The following RDH8 variants were observed in gnomAD, a reference collection of about 807,000 sequenced individuals.
RDH8 encodes retinol dehydrogenase 8.
In RDH8, 14 loss-of-function variants were observed where a neutral mutation model predicts 22.3. The ratio of observed to expected loss-of-function variants is 0.63; its 90% confidence interval spans 0.42 to 0.98. The LOEUF is 0.98. Ranked by LOEUF, RDH8 falls within the 50% of genes least tolerant of loss-of-function variation. RDH8 has a pLI of 0.00. For missense variants in RDH8, 389 were observed against 409.8 expected (o/e 0.95, Z 0.44); for synonymous variants, 175 against 171.7 (o/e 1.02, Z -0.15).
chr19:10,019,312 T>A (rs2087641681), intron 3 of RDH8, among the ~76,000 whole-genome samples: 1 of 150,684 alleles, frequency 6.6e-6, no homozygotes, highest in African/African-American at 2.4e-5. Context: ...AAAATAATAA[T>A]AAAATAAAAT....
intron 2 of RDH8, among the ~76,000 whole-genome samples, chr19:10,018,024 C>T (rs1240474295): frequency 6.6e-6 from 1 of 152,154 alleles, no homozygotes; most frequent in African/African-American, 2.4e-5. Flanking sequence ...CAGCTCACTG[C>T]AACCTCCACC....
Position 10,020,811 on chromosome 19 carries a change from G to A in RDH8, c.536+9G>A. ...CTGCAGTTCAACATCTTGTGAGGCGGGCACGTGGGCAGAGGGGGCTTGGAG... is the reference window on the plus strand; with the variant it reads ...CTGCAGTTCAACATCTTGTGAGGCGAGCACGTGGGCAGAGGGGGCTTGGAG... On this transcript the variant is annotated intron_variant, in intron 4 of 5. Transcript: ENST00000591589. 1 of 1,597,616 alleles carries A rather than the reference G, an allele frequency of 6.3e-7. No homozygotes were observed. Among genetic ancestry groups the A allele is most frequent in the Non-Finnish European group, 8.6e-7 (1 of 1,168,432 alleles).
In RDH8 at chr19:10,021,830, C is replaced by G; in HGVS notation, c.*81C>G. On this transcript the variant is annotated 3_prime_UTR_variant, in exon 6 of 6. Coordinates refer to ENST00000591589, the MANE Select transcript of RDH8 (RefSeq NM_015725.4). ...ATCTAATTCAAAGGATGAACAGACT[C>G]TTCATTTATTCATTCTGCAAACTCC... is the stretch of plus-strand genomic sequence containing the variant. 7.2e-7 allele frequency: 1 copy of G among 1,392,034 alleles called. No homozygotes were observed. Among genetic ancestry groups the G allele is most frequent in the Non-Finnish European group, 9.9e-7 (1 of 1,011,982 alleles). The allele number at this position is 1,392,034 out of a possible 1,614,324, so 86.2% of individuals were successfully genotyped here. A position where few individuals can be genotyped will look rare whatever the true frequency, so the allele number is the denominator to read the frequency against.
intron 4 of RDH8, 51 bp from the exon 5 acceptor site, chr19:10,021,204 T>C: frequency 3.2e-6 from 5 of 1,551,312 alleles, no homozygotes; most frequent in African/African-American, 2.8e-5. Context: ...ACAAAATAGG[T>C]CAGGGAGTGG....
In RDH8 at chr19:10,021,998, G is replaced by T. The variant is rs1020931007; in HGVS notation, c.*249G>T. The T allele has an allele frequency of 7.6e-6, 4 of 526,314 alleles. No homozygotes were observed. The highest frequency in any genetic ancestry group is 5.7e-5 in the African/African-American group (3 of 52,398). 32.6% of individuals were successfully genotyped at this position (526,314 alleles called of 1,614,324 possible). A position where few individuals can be genotyped will look rare whatever the true frequency, so the allele number is the denominator to read the frequency against. Reference sequence around the variant, plus strand: ...GGGAAGCCCAGAGCAGGAAGCCACAGCTGTCTCTGGGAAAGCAAGGGAGGC... The same window carrying T: ...GGGAAGCCCAGAGCAGGAAGCCACATCTGTCTCTGGGAAAGCAAGGGAGGC... On this transcript the variant is annotated 3_prime_UTR_variant, in exon 6 of 6. Coordinates refer to ENST00000591589, the MANE Select transcript of RDH8 (RefSeq NM_015725.4).
chr19:10,017,050 C>T lies in RDH8; in HGVS notation c.104-7C>T, dbSNP rs2087624028. ...TGCCTGTCCCTGCTTTACTCTCTGC[C>T]CCGCAGTCGTGGCCACCATGAGGGA... On this transcript the variant is annotated splice_polypyrimidine_tract_variant and splice_region_variant and intron_variant, in intron 1 of 5. Coordinates refer to ENST00000591589, the MANE Select transcript of RDH8 (RefSeq NM_015725.4). 4 of 1,550,778 alleles carry T rather than the reference C, an allele frequency of 2.6e-6. No individual in the cohort carries two copies. The South Asian group carries it at 4.8e-5, about 19-fold the overall frequency.
chr19:10,016,042 T>C (rs2145165019), intron 1 of RDH8, among the ~76,000 whole-genome samples: 1 of 152,150 alleles, frequency 6.6e-6, no homozygotes, highest in South Asian at 2.1e-4. Context: ...TATGCATTTT[T>C]TTCATGGCAA....
chr19:10,016,664 A>T (rs2087619915), intron 1 of RDH8, among the ~76,000 whole-genome samples: 1 of 150,754 alleles, frequency 6.6e-6, no homozygotes, highest in African/African-American at 2.4e-5. Flanking sequence ...TAGAGATGGG[A>T]TCTCGCTATA....
intron 3 of RDH8, among the ~76,000 whole-genome samples, chr19:10,019,800 T>TA (rs1222273508): frequency 1.4e-5 from 2 of 142,232 alleles, no homozygotes; most frequent in East Asian, 4.1e-4. Context: ...AGACTCTGTC[T>TA]AAAAAAAATA....
At chr19:10,016,407 G>A (rs1410901277) in intron 1 of RDH8, among the ~76,000 whole-genome samples, 21 of 150,368 alleles carry the variant, frequency 1.4e-4, no homozygotes, top group South Asian at 4.2e-4. Context: ...TGCCCACCTC[G>A]GCCTCCCAAA....
Sources: gnomAD v4.1 joint callset for allele counts (sites outside exome capture counted in the v4.1 genomes callset) on GRCh38, gnomAD v4.1.1 for gene constraint, MANE v1.5 for transcripts, NCBI Gene and HGNC (gene_info 2026-07-23, HGNC 2026-07-21) for gene names.